CALN1: variants seen among roughly 807,000 people sequenced by gnomAD.
CALN1 encodes the protein calcium-binding protein 8.
In CALN1, 17 loss-of-function variants were observed where a neutral mutation model predicts 30.6. That is an observed-to-expected ratio of 0.56 (90% CI 0.38 to 0.83). The LOEUF is 0.83. Ranked by LOEUF, CALN1 falls within the 40% of genes least tolerant of loss-of-function variation. The pLI is 0.00. For synonymous variants in CALN1, 156 were observed against 131.4 expected (o/e 1.19, Z -1.28); for missense variants, 291 against 354.9 (o/e 0.82, Z 1.45).
At chr7:72,310,820 T>C (rs868834964) in intron 2 of CALN1, among the ~76,000 whole-genome samples, 43 of 150,548 alleles carry the variant, frequency 2.9e-4, no homozygotes, top group Middle Eastern at 3.5e-3. Flanking sequence ...GGAGAATCAC[T>C]TGAACCCGGG....
chr7:71,909,507 G>A (rs752941488), intron 5 of CALN1, among the ~76,000 whole-genome samples: 3 of 151,842 alleles, frequency 2.0e-5, no homozygotes, highest in Non-Finnish European at 4.4e-5. Context: ...TGGATTGGAA[G>A]CCAATGAGCC....
At chr7:71,818,763 G>A (rs1323617227) in intron 5 of CALN1, among the ~76,000 whole-genome samples, 1 of 151,616 alleles carries the variant, frequency 6.6e-6, no homozygotes, top group Non-Finnish European at 1.5e-5. Flanking sequence ...AGGCTGGAGT[G>A]CAGTGGTGCG....
chr7:72,298,295 C>T (rs1433417644), intron 2 of CALN1, among the ~76,000 whole-genome samples: 1 of 152,180 alleles, frequency 6.6e-6, no homozygotes, highest in African/African-American at 2.4e-5. Context: ...AAGACGCACA[C>T]TTTGTTGTGG....
chr7:72,180,941 T>C (rs1211528745), intron 3 of CALN1, among the ~76,000 whole-genome samples: 2 of 151,784 alleles, frequency 1.3e-5, no homozygotes, highest in Admixed American at 6.6e-5. Flanking sequence ...CTTCTAAAAA[T>C]ACAAAAAATT....
intron 2 of CALN1, among the ~76,000 whole-genome samples, chr7:72,379,128 A>C (rs560396626): frequency 3.0e-4 from 45 of 152,194 alleles, no homozygotes; most frequent in African/African-American, 1.0e-3. Context: ...GGCTGTGTTC[A>C]TAAGTTTTTG....
chr7:71,912,251 T>TGTTC (rs1326783080), intron 5 of CALN1, among the ~76,000 whole-genome samples: 1 of 152,026 alleles, frequency 6.6e-6, no homozygotes, highest in Non-Finnish European at 1.5e-5. Flanking sequence ...CTATGTCTTA[T>TGTTC]GGAACCTGAG....
At chr7:72,282,273 C>G (rs1051206302) in intron 2 of CALN1, among the ~76,000 whole-genome samples, 3 of 152,100 alleles carry the variant, frequency 2.0e-5, no homozygotes, top group Non-Finnish European at 4.4e-5. Flanking sequence ...TAGAGAGCAA[C>G]AAACAAAAAT....
At chr7:72,411,598 A>G (rs1447930813) in intron 1 of CALN1, among the ~76,000 whole-genome samples, 1 of 152,224 alleles carries the variant, frequency 6.6e-6, no homozygotes, top group Non-Finnish European at 1.5e-5. Context: ...TAGTCTCAAA[A>G]TACCACTTCC....
At chr7:72,116,340 A>C (rs1807982737) in intron 3 of CALN1, among the ~76,000 whole-genome samples, 1 of 152,234 alleles carries the variant, frequency 6.6e-6, no homozygotes, top group Admixed American at 6.5e-5. Context: ...CAACATAGCA[A>C]GACCCTGTCC....
chr7:71,977,397 T>A (rs2129526862), intron 5 of CALN1, among the ~76,000 whole-genome samples: 1 of 152,290 alleles, frequency 6.6e-6, no homozygotes, highest in African/African-American at 2.4e-5. Context: ...ATGGCACCAC[T>A]GCACTCCAGT....
At chr7:72,364,945 G>T (rs1043150095) in intron 2 of CALN1, among the ~76,000 whole-genome samples, 4 of 151,250 alleles carry the variant, frequency 2.6e-5, no homozygotes, top group Admixed American at 2.6e-4. Context: ...CAAGGCAGGC[G>T]GATCACCTGA....
chr7:72,356,549 G>A (rs1160428497), intron 2 of CALN1, among the ~76,000 whole-genome samples: 3 of 151,838 alleles, frequency 2.0e-5, no homozygotes, highest in Admixed American at 6.6e-5. Flanking sequence ...ATAAAAGAAT[G>A]TAAAACTAAC....
chr7:72,466,541 T>A, the CALN1 span, among the ~76,000 whole-genome samples: 5 of 152,060 alleles, frequency 3.3e-5, no homozygotes, highest in African/African-American at 1.2e-4. Context: ...GTCAGGAGTT[T>A]GAGACCAGCC....
chr7:72,230,855 A>G (rs1417105649), intron 3 of CALN1, among the ~76,000 whole-genome samples: 1 of 152,224 alleles, frequency 6.6e-6, no homozygotes, highest in Non-Finnish European at 1.5e-5. Flanking sequence ...CATCACCCAC[A>G]GCGTCACTTT....
intron 5 of CALN1, among the ~76,000 whole-genome samples, chr7:71,948,352 G>GT (rs1478499102): frequency 6.6e-6 from 1 of 152,104 alleles, no homozygotes; most frequent in African/African-American, 2.4e-5. Context: ...CAAATGCTCA[G>GT]TTTCTCTATT....
At chr7:72,459,203 C>T in the CALN1 span, among the ~76,000 whole-genome samples, 4 of 152,098 alleles carry the variant, frequency 2.6e-5, no homozygotes, top group East Asian at 5.8e-4. Flanking sequence ...CGCGCCTGGT[C>T]GTATATTTCT....
At chr7:72,077,296 C>T (rs970935826) in intron 4 of CALN1, among the ~76,000 whole-genome samples, 7 of 152,242 alleles carry the variant, frequency 4.6e-5, no homozygotes, top group East Asian at 1.9e-4. Flanking sequence ...TATTTTGAGA[C>T]GGAGTCTCGC....
intron 5 of CALN1, among the ~76,000 whole-genome samples, chr7:71,969,304 C>T (rs1797678493): frequency 6.6e-6 from 1 of 152,078 alleles, no homozygotes. Flanking sequence ...GACATGCATT[C>T]TCGGTATTAA....
chr7:72,084,265 T>C (rs1043908008), intron 4 of CALN1, among the ~76,000 whole-genome samples: 1 of 152,126 alleles, frequency 6.6e-6, no homozygotes, highest in Non-Finnish European at 1.5e-5. Context: ...TAAAACTTTG[T>C]ACAGGGGAAA....
Sources: allele counts gnomAD v4.1 joint callset (sites outside exome capture counted in the v4.1 genomes callset), GRCh38; gene constraint gnomAD v4.1.1; transcripts MANE v1.5; gene names NCBI Gene and HGNC (gene_info 2026-07-23, HGNC 2026-07-21).